The following BBX variants were observed in gnomAD, a reference collection of about 807,000 sequenced individuals.
BBX encodes the protein HMG box transcription factor BBX.
Under a neutral mutation model 100.2 loss-of-function variants are expected in BBX, and 30 were observed. The ratio of observed to expected loss-of-function variants is 0.30; its 90% confidence interval spans 0.22 to 0.41. The LOEUF (loss-of-function observed/expected upper bound fraction) is 0.41. Among genes scored for constraint, BBX ranks in the 10% least tolerant of loss-of-function variants. The probability of loss-of-function intolerance (pLI) is 1.00; values close to 1 mark genes in which losing one functional copy is unlikely to be tolerated. For missense variants in BBX, 1,023 were observed against 1,129.8 expected (o/e 0.91, Z 1.35); for synonymous variants, 376 against 388.1 (o/e 0.97, Z 0.37).
At chr3:107,778,201 T>G (rs2067484712) in intron 12 of BBX, among the ~76,000 whole-genome samples, 170 bp from the exon 13 acceptor site, 1 of 152,184 alleles carries the variant, frequency 6.6e-6, no homozygotes, top group Admixed American at 6.5e-5. Context: ...AAAACTGTGT[T>G]GGTAAATCTC....
In BBX at chr3:107,694,968, C is replaced by G. The variant is rs1332334735; in HGVS notation, c.-9-15484C>G. On this transcript the variant is annotated intron_variant, in intron 3 of 17. Transcript: ENST00000325805. The stretch of plus-strand genomic sequence containing the variant: ...AATTTATTCATTTCTTCTATATTTT[C>G]TAGTTTATTTGTGTAGAGGTGTTTG... 3.3e-5 allele frequency among the ~76,000 whole-genome samples: 5 copies of G among 151,582 alleles called. 1 individual carries two copies. Among genetic ancestry groups the G allele is most frequent in the African/African-American group, 1.2e-4 (5 of 40,922 alleles).
At position 107,628,287 on chromosome 3, in the gene BBX, G is replaced by A. The variant is rs545497394; in HGVS notation, c.-83-17549G>A. Among the ~76,000 whole-genome samples, 9 of 151,968 alleles carry A rather than the reference G, an allele frequency of 5.9e-5. 1 individual carries two copies. The South Asian group carries it at 1.9e-3, about 32-fold the overall frequency. ...TATTTTGGAGTAGAATTGCTAATAA[G>A]TAAAGATATTGAATTAAAAAGCAGC... On this transcript the variant is annotated intron_variant, in intron 2 of 17. Transcript: ENST00000325805.
intron 10 of BBX, among the ~76,000 whole-genome samples, chr3:107,764,809 T>C (rs2066241376): frequency 6.6e-6 from 1 of 152,242 alleles, no homozygotes; most frequent in East Asian, 1.9e-4. Flanking sequence ...TCCCACAATG[T>C]AGCCTTATTC....
chr3:107,623,768 G>A (rs1315809736), intron 2 of BBX, among the ~76,000 whole-genome samples: 3 of 152,148 alleles, frequency 2.0e-5, no homozygotes, highest in Non-Finnish European at 2.9e-5. Context: ...ACCTGCCTTT[G>A]GGAAAAAGAT....
At chr3:107,764,604 C>T (rs115665593) in intron 10 of BBX, among the ~76,000 whole-genome samples, 5,342 of 152,268 alleles carry the variant, frequency 0.035, 134 homozygotes, top group Middle Eastern at 0.065. Flanking sequence ...AATGCAGTCA[C>T]GGGAATTCCA....
chr3:107,752,557 A>G lies in BBX; in HGVS notation c.826-3041A>G, dbSNP rs1576635986. Reference sequence around the variant, plus strand: ...ACCTAATTTGATTCTCATCTTTACCACCTGTTTGCTCACCCACCTCAGACA... The same window carrying G: ...ACCTAATTTGATTCTCATCTTTACCGCCTGTTTGCTCACCCACCTCAGACA... On this transcript the variant is annotated intron_variant, in intron 9 of 17. Coordinates refer to ENST00000325805, the MANE Select transcript of BBX (RefSeq NM_001142568.3). Among the ~76,000 whole-genome samples the G allele has an allele frequency of 3.3e-5, 5 of 151,996 alleles. No homozygotes were observed. The South Asian group carries it at 1.0e-3, about 31-fold the overall frequency.
intron 10 of BBX, among the ~76,000 whole-genome samples, chr3:107,772,030 G>A (rs1429281056): frequency 1.3e-5 from 2 of 151,890 alleles, no homozygotes; most frequent in East Asian, 3.9e-4. Flanking sequence ...GGAGCATTTC[G>A]GATTTCTGAT....
chr3:107,805,321 C>T, intron 17 of BBX, 49 bp from the exon 18 acceptor site: 1 of 1,555,082 alleles, frequency 6.4e-7, no homozygotes, highest in Non-Finnish European at 8.8e-7. Context: ...TCTCCTGTCT[C>T]TAATAACATA....
chr3:107,544,996 A>G (rs889166321), intron 2 of BBX, among the ~76,000 whole-genome samples: 14 of 152,042 alleles, frequency 9.2e-5, no homozygotes, highest in Non-Finnish European at 1.6e-4. Context: ...AGCCTGGGCA[A>G]CAGAGCGAGA....
chr3:107,779,012 TATATATATACACACAC>T lies in BBX; in HGVS notation c.2203+495_2203+510del, dbSNP rs1423116976. On this transcript the variant is annotated intron_variant, in intron 13 of 17. Coordinates refer to ENST00000325805, the MANE Select transcript of BBX (RefSeq NM_001142568.3). ...CCAGCAACATATATATATATATATA[TATATATATACACACAC>T]ACACACACATATACATTGGTTTTGT... is the stretch of plus-strand genomic sequence containing the variant. 2.6e-4 allele frequency among the ~76,000 whole-genome samples: 19 copies of T among 72,118 alleles called. 1 individual carries two copies. The highest frequency in any genetic ancestry group is 4.9e-4 in the Non-Finnish European group (15 of 30,866). 47.3% of individuals were successfully genotyped at this position (72,118 alleles called of 152,430 possible).
intron 2 of BBX, among the ~76,000 whole-genome samples, chr3:107,548,904 C>G (rs946246525): frequency 6.6e-6 from 1 of 152,166 alleles, no homozygotes; most frequent in African/African-American, 2.4e-5. Context: ...AAACCAAATA[C>G]CACATTCTCT....
At position 107,772,622 on chromosome 3, in the gene BBX, G is replaced by A; in HGVS notation, c.907-6G>A. 6.4e-7 allele frequency: 1 copy of A among 1,566,748 alleles called. No individual in the cohort carries two copies. The highest frequency in any genetic ancestry group is 8.6e-7 in the Non-Finnish European group (1 of 1,164,344). On this transcript the variant is annotated splice_region_variant and splice_polypyrimidine_tract_variant and intron_variant, in intron 10 of 17. Coordinates refer to ENST00000325805, the MANE Select transcript of BBX (RefSeq NM_001142568.3). Reference sequence around the variant, plus strand: ...GGTGCTCTCCCATTTTGTTTTAATTGTTTAGATGTGCCTGGCATCAGAAGG... The same window carrying A: ...GGTGCTCTCCCATTTTGTTTTAATTATTTAGATGTGCCTGGCATCAGAAGG...
At position 107,726,888 on chromosome 3, in the gene BBX, G is replaced by T. The variant is rs1025301178; in HGVS notation, c.406-1877G>T. Among the ~76,000 whole-genome samples, 143 of 152,152 alleles carry T rather than the reference G, an allele frequency of 9.4e-4. 1 individual carries two copies. The highest frequency in any genetic ancestry group is 3.3e-3 in the African/African-American group (138 of 41,514). On this transcript the variant is annotated intron_variant, in intron 5 of 17. Coordinates refer to ENST00000325805, the MANE Select transcript of BBX (RefSeq NM_001142568.3). ...ATATTTGAGATGTGGATAGGTGAGT[G>T]GAATACATGCAAGAGAAATTAGGAT...
chr3:107,744,729 T>C lies in BBX; in HGVS notation c.750+19T>C. 1 of 1,589,512 alleles carries C rather than the reference T, an allele frequency of 6.3e-7. No homozygotes were observed. Among genetic ancestry groups the C allele is most frequent in the Non-Finnish European group, 8.6e-7 (1 of 1,157,896 alleles). ...TGCCGAGGTAATATATTACAATTGATACTTAACTAATGAGGAAATTGTAAA... is the reference window on the plus strand; with the variant it reads ...TGCCGAGGTAATATATTACAATTGACACTTAACTAATGAGGAAATTGTAAA... On this transcript the variant is annotated intron_variant, in intron 8 of 17. Coordinates refer to ENST00000325805, the MANE Select transcript of BBX (RefSeq NM_001142568.3).
chr3:107,721,484 T>C (rs866489591), intron 5 of BBX, among the ~76,000 whole-genome samples: 1 of 152,026 alleles, frequency 6.6e-6, no homozygotes, highest in South Asian at 2.1e-4. Flanking sequence ...TTTTTGAGTA[T>C]GGTTTAATTA....
rs759714136 is a variant in BBX, at chr3:107,773,143, A to G, written c.1422A>G (p.Lys474=). ...NDKSTPKKTC[K]KRQSSESDIE... Reference sequence around the variant, plus strand: ...AATCCACACCCAAGAAGACTTGCAAAAAGAGGCAGTCTTCGGAATCTGACA... The same window carrying G: ...AATCCACACCCAAGAAGACTTGCAAGAAGAGGCAGTCTTCGGAATCTGACA... The change falls in exon 11 of 18, where the codon AAA becomes AAG. Residue 474 remains lysine (K), a synonymous_variant. Transcript: ENST00000325805. This position sits in a 1 kb window ranked among gnomAD's most constrained non-coding sequence, Gnocchi z 4.1. The G allele has an allele frequency of 1.2e-6, 2 of 1,614,022 alleles. No individual in the cohort carries two copies. Among genetic ancestry groups the G allele is most frequent in the Admixed American group, 3.3e-5 (2 of 59,992 alleles).
chr3:107,803,263 A>G (rs1246934609), intron 17 of BBX, among the ~76,000 whole-genome samples: 1 of 152,202 alleles, frequency 6.6e-6, no homozygotes, highest in Non-Finnish European at 1.5e-5. Flanking sequence ...TTTTACCATC[A>G]ACCTAATAAA....
intron 2 of BBX, among the ~76,000 whole-genome samples, chr3:107,585,046 T>C (rs1056085444): frequency 6.6e-5 from 10 of 151,998 alleles, no homozygotes; most frequent in Admixed American, 3.9e-4. Flanking sequence ...AGAACAAAGC[T>C]TGGAGATCCA....
Position 107,805,665 on chromosome 3 carries a change from C to G in BBX, c.*208C>G. 1 of 839,222 alleles carries G rather than the reference C, an allele frequency of 1.2e-6. No individual in the cohort carries two copies. The highest frequency in any genetic ancestry group is 2.1e-5 in the South Asian group (1 of 48,402). The allele number at this position is 839,222 out of a possible 1,614,324, so 52.0% of individuals were successfully genotyped here. ...CCAGAATCTTTGAGGGTAAGGTTAT[C>G]TGTCTGATACTGAGCAGAAACAGAA... On this transcript the variant is annotated 3_prime_UTR_variant, in exon 18 of 18. Transcript: ENST00000325805.
Sources: gnomAD v4.1 joint callset for allele counts (sites outside exome capture counted in the v4.1 genomes callset) on GRCh38, gnomAD v4.1.1 for gene constraint, Gnocchi (gnomAD v3.1) non-coding constraint, MANE v1.5 for transcripts, NCBI Gene and HGNC (gene_info 2026-07-23, HGNC 2026-07-21) for gene names.